Variants in NYAP2 observed in about 807,000 individuals in gnomAD.
The protein encoded by NYAP2 is neuronal tyrosine-phosphorylated phosphoinositide-3-kinase adapter 2.
Under a neutral mutation model 50.4 loss-of-function variants are expected in NYAP2, and 23 were observed. The observed-to-expected ratio is 0.46, with a 90% CI of 0.33 to 0.65. NYAP2 has a LOEUF of 0.65. NYAP2 is among the 30% of genes least tolerant of loss of function. The pLI, the probability that NYAP2 is intolerant of heterozygous loss-of-function variation, is 0.02. For missense variants in NYAP2, 885 were observed against 861.0 expected (o/e 1.03, Z -0.35); for synonymous variants, 394 against 365.2 (o/e 1.08, Z -0.90).
chr2:225,446,246 C>CTCTCTCTCTATATATA (rs1239402824), intron 3 of NYAP2, among the ~76,000 whole-genome samples: 2 of 82,270 alleles, frequency 2.4e-5, no homozygotes, highest in Admixed American at 3.1e-4. Context: ...CTCTCTCTCT[C>CTCTCTCTCTATATATA]TATATATATA....
intron 5 of NYAP2, among the ~76,000 whole-genome samples, chr2:225,602,640 T>C (rs1458885773): frequency 2.0e-5 from 3 of 152,192 alleles, no homozygotes; most frequent in Non-Finnish European, 4.4e-5. Context: ...TTAATTTTTA[T>C]AGGTAGTGTA....
chr2:225,535,622 G>A (rs909810044), intron 4 of NYAP2, among the ~76,000 whole-genome samples: 1 of 152,126 alleles, frequency 6.6e-6, no homozygotes, highest in Non-Finnish European at 1.5e-5. Flanking sequence ...GCATTGTGGT[G>A]GTCTGAGTGG....
the NYAP2 span, among the ~76,000 whole-genome samples, chr2:225,669,392 C>G: frequency 6.6e-6 from 1 of 152,032 alleles, no homozygotes; most frequent in Non-Finnish European, 1.5e-5. Context: ...TTAATTCATC[C>G]CTTAAAAGCT....
At position 225,541,485 on chromosome 2, in the gene NYAP2, A is replaced by G. The variant is rs1295575347; in HGVS notation, c.523+27813A>G. Reference sequence around the variant, plus strand: ...TTTTTGTATATGCCAAGAGATAGGGATCTAATTTCATTCTTCTGCATATGG... The same window carrying G: ...TTTTTGTATATGCCAAGAGATAGGGGTCTAATTTCATTCTTCTGCATATGG... On this transcript the variant is annotated intron_variant, in intron 4 of 6. Transcript: ENST00000636099. Among the ~76,000 whole-genome samples, 8 of 152,186 alleles carry G rather than the reference A, an allele frequency of 5.3e-5. No homozygotes were observed. In the East Asian group the frequency reaches 1.5e-3, roughly 29 times the overall value.
rs386392796 is a variant in NYAP2 at position 225,625,043 on chromosome 2, TAAA to T, written c.1619-1847_1619-1845del. Among the ~76,000 whole-genome samples the T allele has an allele frequency of 1.4e-3, 96 of 69,622 alleles. 4 individuals carry two copies. The East Asian group carries it at 0.042, about 30-fold the overall frequency. The allele number at this position is 69,622 out of a possible 152,430, so 45.7% of individuals were successfully genotyped here. ...GTTGATAAGGATTTTAACCCAAGCG[TAAA>T]AAAAAAAAAAAAAAAAAAAAAAAAA... On this transcript the variant is annotated intron_variant, in intron 5 of 6. Coordinates refer to ENST00000636099, the Ensembl canonical transcript of NYAP2.
intron 3 of NYAP2, among the ~76,000 whole-genome samples, chr2:225,451,289 G>A (rs1415185183): frequency 6.6e-6 from 1 of 152,072 alleles, no homozygotes; most frequent in African/African-American, 2.4e-5. Context: ...CATGTCCACT[G>A]TGAATGGCAA....
At chr2:225,536,158 A>G (rs1429175752) in intron 4 of NYAP2, among the ~76,000 whole-genome samples, 1 of 152,184 alleles carries the variant, frequency 6.6e-6, no homozygotes. Flanking sequence ...TCTAGTTCAG[A>G]GCTTATCTGG....
At chr2:225,581,909 C>A in intron 4 of NYAP2, 32 bp from the exon 5 acceptor site, 1 of 1,568,764 alleles carries the variant, frequency 6.4e-7, no homozygotes, top group South Asian at 1.2e-5. Flanking sequence ...CTATTATACT[C>A]ATCTATTCCA....
At chr2:225,556,282 T>C (rs1194988856) in intron 4 of NYAP2, among the ~76,000 whole-genome samples, 1 of 152,212 alleles carries the variant, frequency 6.6e-6, no homozygotes, top group Non-Finnish European at 1.5e-5. Flanking sequence ...ACTTACACCA[T>C]ATACAATATA....
chr2:225,518,418 A>G (rs1574654880), intron 4 of NYAP2, among the ~76,000 whole-genome samples: 1 of 150,224 alleles, frequency 6.7e-6, no homozygotes, highest in East Asian at 2.0e-4. Flanking sequence ...AATTCAAAAC[A>G]TCTACGGTAC....
At chr2:225,494,679 T>C (rs1690469745) in intron 3 of NYAP2, among the ~76,000 whole-genome samples, 1 of 152,198 alleles carries the variant, frequency 6.6e-6, no homozygotes, top group Non-Finnish European at 1.5e-5. Context: ...GGTTTGGTAT[T>C]TTTATAATTT....
At chr2:225,601,693 A>C (rs1692693915) in intron 5 of NYAP2, among the ~76,000 whole-genome samples, 1 of 152,116 alleles carries the variant, frequency 6.6e-6, no homozygotes, top group Non-Finnish European at 1.5e-5. Flanking sequence ...CTTCAGATAA[A>C]TATCTATCCA....
At chr2:225,651,684 A>C in exon 7 of NYAP2, 4 of 982,812 alleles carry the variant, frequency 4.1e-6, no homozygotes, top group Non-Finnish European at 6.0e-6. Context: ...GCGGGGGATG[A>C]GTTCTGGCAG....
intron 3 of NYAP2, among the ~76,000 whole-genome samples, chr2:225,492,133 G>C (rs577409574): frequency 6.6e-6 from 1 of 152,108 alleles, no homozygotes; most frequent in African/African-American, 2.4e-5. Flanking sequence ...CCATGTGGCC[G>C]GTGTGTGTGA....
intron 6 of NYAP2, among the ~76,000 whole-genome samples, chr2:225,648,982 G>A (rs977600502): frequency 4.1e-4 from 63 of 152,136 alleles, no homozygotes; most frequent in African/African-American, 1.5e-3. Flanking sequence ...GTGAAGGAAT[G>A]CATATCACAG....
intron 4 of NYAP2, among the ~76,000 whole-genome samples, chr2:225,561,064 C>T (rs921578808): frequency 1.3e-5 from 2 of 150,642 alleles, no homozygotes; most frequent in African/African-American, 2.4e-5. Context: ...TCTCTACTAT[C>T]GTGGAACTTA....
In NYAP2 at chr2:225,582,287, C is replaced by G; in HGVS notation, c.870C>G (p.His290Gln). 1 of 1,614,022 alleles carries G rather than the reference C, an allele frequency of 6.2e-7. No individual in the cohort carries two copies. Among genetic ancestry groups the G allele is most frequent in the Non-Finnish European group, 8.5e-7 (1 of 1,179,884 alleles). ...ACGCCAAATGTGACTTCGACCATCACAGCTGTTCTTCGCAGTGTGCTACTC... is the reference window on the plus strand; with the variant it reads ...ACGCCAAATGTGACTTCGACCATCAGAGCTGTTCTTCGCAGTGTGCTACTC... Residue 290 changes from histidine to glutamine, a missense_variant, in exon 5 of 7, where the codon CAC becomes CAG. His to Gln is a conservative substitution (Grantham distance 24, BLOSUM62 0). Transcript: ENST00000636099. The surrounding 1 kb of genome is among the most constrained non-coding windows in gnomAD (Gnocchi z 7.0).
Position 225,620,437 on chromosome 2 carries a change from ACG to A in NYAP2, c.1619-6478_1619-6477del, listed in dbSNP as rs1228445706. 6.2e-3 allele frequency among the ~76,000 whole-genome samples: 193 copies of A among 31,256 alleles called. 4 individuals are homozygous for A. Among genetic ancestry groups the A allele is most frequent in the Admixed American group, 2.8e-3 (6 of 2,118 alleles). 20.5% of individuals were successfully genotyped at this position (31,256 alleles called of 152,430 possible). ...CACATGCACGCACACGCACGCACAC[ACG>A]CACGCACACGCACGCACACACGCGC... On this transcript the variant is annotated intron_variant, in intron 5 of 6. Transcript: ENST00000636099.
chr2:225,655,130 A>G (rs1280603236), downstream of NYAP2, among the ~76,000 whole-genome samples: 1 of 152,216 alleles, frequency 6.6e-6, no homozygotes, highest in East Asian at 1.9e-4. Flanking sequence ...TTTTAGCTTC[A>G]GGTAACTACA....
Sources: allele counts gnomAD v4.1 joint callset (sites outside exome capture counted in the v4.1 genomes callset), GRCh38; gene constraint gnomAD v4.1.1; non-coding constraint Gnocchi (gnomAD v3.1); transcripts MANE v1.5; gene names NCBI Gene and HGNC (gene_info 2026-07-23, HGNC 2026-07-21).